BCL7C: variants seen among roughly 807,000 people sequenced by gnomAD.
The protein encoded by BCL7C is BAF chromatin remodeling complex subunit BCL7C, also known as B-cell CLL/lymphoma 7 protein family member C.
In BCL7C, 8 loss-of-function variants were observed where a neutral mutation model predicts 26.2. The ratio of observed to expected loss-of-function variants is 0.30; its 90% confidence interval spans 0.18 to 0.55. The LOEUF is 0.55. Ranked by LOEUF, BCL7C falls within the 20% of genes least tolerant of loss-of-function variation. BCL7C has a pLI of 0.93. For synonymous variants in BCL7C, 90 were observed against 116.5 expected (o/e 0.77, Z 1.47); for missense variants, 262 against 298.5 (o/e 0.88, Z 0.90).
At chr16:30,874,462 GAAA>G (rs1221449032) in intron 5 of BCL7C, among the ~76,000 whole-genome samples, 1 of 152,058 alleles carries the variant, frequency 6.6e-6, no homozygotes, top group Non-Finnish European at 1.5e-5. Flanking sequence ...ACAAAAAACA[GAAA>G]AATTAGCCGG....
chr16:30,835,848 GA>G (rs1270571003), intron 5 of BCL7C, among the ~76,000 whole-genome samples: 2 of 149,936 alleles, frequency 1.3e-5, no homozygotes, highest in African/African-American at 4.9e-5. Flanking sequence ...TCCGTCTGAA[GA>G]AAAAAAAGAA....
chr16:30,865,172 C>CAAA (rs529882511), intron 5 of BCL7C, among the ~76,000 whole-genome samples: 1 of 40,812 alleles, frequency 2.5e-5, no homozygotes, highest in African/African-American at 9.3e-5. Context: ...ACCTCCAACT[C>CAAA]AAAAAAAAAA....
chr16:30,842,630 G>A (rs943836499), intron 5 of BCL7C, among the ~76,000 whole-genome samples: 3 of 152,142 alleles, frequency 2.0e-5, no homozygotes, highest in Non-Finnish European at 2.9e-5. Context: ...GTGCAGTGGT[G>A]CGATCTCAGC....
chr16:30,851,655 T>A, intron 5 of BCL7C: 2 of 640,990 alleles, frequency 3.1e-6, no homozygotes, highest in Admixed American at 2.3e-5. Flanking sequence ...ATCTCATCGA[T>A]TTGCTGAGCA....
chr16:30,837,556 C>A (rs181576566), intron 5 of BCL7C, among the ~76,000 whole-genome samples: 106 of 152,220 alleles, frequency 7.0e-4, no homozygotes, highest in Middle Eastern at 3.4e-3. Flanking sequence ...CCATGTTGGC[C>A]AGGCTGGTCT....
At chr16:30,865,124 C>T (rs953203024) in intron 5 of BCL7C, among the ~76,000 whole-genome samples, 1 of 145,614 alleles carries the variant, frequency 6.9e-6, no homozygotes, top group Non-Finnish European at 1.5e-5. Flanking sequence ...GCCGAGATCA[C>T]GTCACTGCAC....
intron 4 of BCL7C, among the ~76,000 whole-genome samples, chr16:30,890,194 G>A (rs1413630129): frequency 4.0e-5 from 6 of 151,842 alleles, no homozygotes; most frequent in Non-Finnish European, 8.8e-5. Flanking sequence ...AGGAGTTCAA[G>A]ACCATCCTGA....
intron 5 of BCL7C, among the ~76,000 whole-genome samples, chr16:30,857,972 CAAAAAAA>C (rs58563705): frequency 1.6e-4 from 19 of 116,008 alleles, no homozygotes; most frequent in Non-Finnish European, 3.6e-5. Flanking sequence ...ACTCCAACTC[CAAAAAAA>C]AAAAAAAAAA....
At chr16:30,838,255 A>G (rs540556417) in intron 5 of BCL7C, among the ~76,000 whole-genome samples, 2 of 152,354 alleles carry the variant, frequency 1.3e-5, no homozygotes, top group South Asian at 2.1e-4. Context: ...ATTTGTAAGT[A>G]GGCATAATAA....
rs530455035 is a variant in BCL7C, at chr16:30,888,781, C to T, written c.528+79G>A. ...CTGCCTCTCCTCCAGGCCCTCAGGA[C>T]GCAGGCTCCAAGCCTTCGACTGCCC... On this transcript the variant is annotated intron_variant, in intron 5 of 5. Coordinates refer to ENST00000215115, the MANE Select transcript of BCL7C (RefSeq NM_004765.4). 4.5e-5 allele frequency: 62 copies of T among 1,371,162 alleles called. No individual in the cohort carries two copies. In the South Asian group the frequency reaches 6.8e-4, roughly 15 times the overall value. 84.9% of individuals were successfully genotyped at this position (1,371,162 alleles called of 1,614,324 possible).
In BCL7C at chr16:30,893,441, A is replaced by T; in HGVS notation, c.93-151T>A. ...ATGGGGCATAGTTACATGGAGGAAG[A>T]GAGTCCTGCAAACCCCAGGGCATAG... On this transcript the variant is annotated intron_variant, in intron 1 of 5. Coordinates refer to ENST00000215115, the MANE Select transcript of BCL7C (RefSeq NM_004765.4). This position sits in a 1 kb window ranked among gnomAD's most constrained non-coding sequence, Gnocchi z 5.2. The T allele has an allele frequency of 1.6e-6, 1 of 623,512 alleles. No homozygotes were observed. The highest frequency in any genetic ancestry group is 2.8e-6 in the Non-Finnish European group (1 of 355,916). The allele number at this position is 623,512 out of a possible 1,614,324, so 38.6% of individuals were successfully genotyped here. A position where few individuals can be genotyped will look rare whatever the true frequency, so the allele number is the denominator to read the frequency against.
intron 4 of BCL7C, 85 bp from the exon 5 acceptor site, chr16:30,889,030 C>A: frequency 7.4e-7 from 1 of 1,344,324 alleles, no homozygotes; most frequent in Admixed American, 1.7e-5. Flanking sequence ...TGGTCACAGG[C>A]CCCAGTCACA....
intron 5 of BCL7C, among the ~76,000 whole-genome samples, chr16:30,878,819 G>T (rs1596611486): frequency 6.6e-6 from 1 of 151,902 alleles, no homozygotes; most frequent in Admixed American, 6.6e-5. Flanking sequence ...CTCCAGCCTG[G>T]GTGACAAAGC....
intron 5 of BCL7C, among the ~76,000 whole-genome samples, chr16:30,841,851 A>G (rs2054604090): frequency 6.7e-6 from 1 of 148,294 alleles, no homozygotes; most frequent in South Asian, 2.2e-4. Context: ...GCCACTCGGG[A>G]GGCTGAGGCA....
chr16:30,893,474 G>C lies in BCL7C; in HGVS notation c.93-184C>G, dbSNP rs765039740. On this transcript the variant is annotated intron_variant, in intron 1 of 5. Transcript: ENST00000215115. The surrounding 1 kb of genome is among the most constrained non-coding windows in gnomAD (Gnocchi z 5.2). Reference sequence around the variant, plus strand: ...GCAAACCCCAGGGCATAGGCGGTGGGTGCCTCTAGAGAGAGGATATGATTT... The same window carrying C: ...GCAAACCCCAGGGCATAGGCGGTGGCTGCCTCTAGAGAGAGGATATGATTT... 2.0e-5 allele frequency among the ~76,000 whole-genome samples: 3 copies of C among 152,114 alleles called. No individual in the cohort carries two copies. The highest frequency in any genetic ancestry group is 4.8e-5 in the African/African-American group (2 of 41,412).
At position 30,865,718 on chromosome 16, in the gene BCL7C, T is replaced by C. The variant is rs1043341129; in HGVS notation, c.528+23142A>G. ...ATTTTACCGTGCACATACATATGGC[T>C]TTTTTTTTCTTTTTTTTTTTTTTTT... is the stretch of plus-strand genomic sequence containing the variant. On this transcript the variant is annotated intron_variant, in intron 5 of 5. Transcript: ENST00000380317. Among the ~76,000 whole-genome samples the C allele has an allele frequency of 5.4e-5, 6 of 112,060 alleles. No homozygotes were observed. In the East Asian group the frequency reaches 1.5e-3, roughly 28 times the overall value. 73.5% of individuals were successfully genotyped at this position (112,060 alleles called of 152,430 possible).
intron 5 of BCL7C, among the ~76,000 whole-genome samples, chr16:30,878,614 G>A (rs896802143): frequency 3.9e-5 from 6 of 151,930 alleles, no homozygotes; most frequent in Admixed American, 3.9e-4. Flanking sequence ...GGAGGCCGAG[G>A]TGGGTGGATC....
chr16:30,868,555 G>A (rs2143021940), intron 5 of BCL7C, among the ~76,000 whole-genome samples: 1 of 151,988 alleles, frequency 6.6e-6, no homozygotes, highest in African/African-American at 2.4e-5. Flanking sequence ...GGAGGCCGAG[G>A]TGGGCAGATC....
chr16:30,877,242 T>C (rs377534485), intron 5 of BCL7C, among the ~76,000 whole-genome samples: 1 of 151,054 alleles, frequency 6.6e-6, no homozygotes. Flanking sequence ...TCTCAGAATA[T>C]CTGCTTTCAA....
Sources: allele counts gnomAD v4.1 joint callset (sites outside exome capture counted in the v4.1 genomes callset), GRCh38; gene constraint gnomAD v4.1.1; non-coding constraint Gnocchi (gnomAD v3.1); transcripts MANE v1.5; gene names NCBI Gene and HGNC (gene_info 2026-07-23, HGNC 2026-07-21).